The following CNTNAP2 variants were observed in gnomAD, a reference collection of about 807,000 sequenced individuals.
CNTNAP2 encodes the protein contactin-associated protein-like 2.
CNTNAP2 carries 98 observed loss-of-function variants against 155.2 expected under a neutral mutation model. The observed-to-expected ratio is 0.63, with a 90% CI of 0.54 to 0.75. The LOEUF is 0.75. CNTNAP2 is among the 30% of genes least tolerant of loss of function. CNTNAP2 has a pLI of 0.00. For missense variants in CNTNAP2, 1,727 were observed against 1,688.1 expected (o/e 1.02, Z -0.40); for synonymous variants, 651 against 631.2 (o/e 1.03, Z -0.47).
At chr7:147,241,274 A>G (rs1187207319) in intron 8 of CNTNAP2, among the ~76,000 whole-genome samples, 4 of 152,174 alleles carry the variant, frequency 2.6e-5, no homozygotes, top group African/African-American at 9.7e-5. Flanking sequence ...AGCTCTTTAT[A>G]TCAAAGCAAT....
intron 1 of CNTNAP2, among the ~76,000 whole-genome samples, chr7:146,372,838 A>G (rs1007721785): frequency 1.3e-5 from 2 of 152,274 alleles, no homozygotes; most frequent in African/African-American, 4.8e-5. Flanking sequence ...AAAGCAATGG[A>G]GGTACAGAAA....
At chr7:147,076,685 G>A (rs180726517) in intron 4 of CNTNAP2, among the ~76,000 whole-genome samples, 4 of 152,252 alleles carry the variant, frequency 2.6e-5, no homozygotes, top group Admixed American at 2.6e-4. Flanking sequence ...GTCAACCAAA[G>A]ACTTCAGGAT....
chr7:146,459,797 C>G (rs974835591), intron 1 of CNTNAP2, among the ~76,000 whole-genome samples: 5 of 151,900 alleles, frequency 3.3e-5, no homozygotes, highest in African/African-American at 1.2e-4. Context: ...ATGGTGAAAC[C>G]CCATCTCTAC....
At chr7:146,729,447 A>G (rs1304834421) in intron 1 of CNTNAP2, among the ~76,000 whole-genome samples, 3 of 152,052 alleles carry the variant, frequency 2.0e-5, no homozygotes, top group Admixed American at 6.6e-5. Flanking sequence ...GTGCTAAACT[A>G]TTTGTATTAA....
chr7:147,538,778 G>GT (rs199893286), intron 11 of CNTNAP2, among the ~76,000 whole-genome samples: 5,433 of 152,020 alleles, frequency 0.036, 125 homozygotes, highest in Non-Finnish European at 0.052. Flanking sequence ...GTTTATGCCA[G>GT]TTTTTTTTCC....
chr7:146,288,220 C>T (rs750115167), intron 1 of CNTNAP2, among the ~76,000 whole-genome samples: 56 of 150,928 alleles, frequency 3.7e-4, no homozygotes, highest in Non-Finnish European at 5.9e-4. Context: ...ATTGCTTGGA[C>T]CTGGGAGGCC....
At chr7:147,280,219 C>A (rs1805001233) in intron 8 of CNTNAP2, among the ~76,000 whole-genome samples, 1 of 151,882 alleles carries the variant, frequency 6.6e-6, no homozygotes, top group East Asian at 1.9e-4. Flanking sequence ...TTTCTGTTTG[C>A]TTGAGTTCCC....
chr7:146,637,955 A>G (rs1283159692), intron 1 of CNTNAP2, among the ~76,000 whole-genome samples: 2 of 152,234 alleles, frequency 1.3e-5, no homozygotes, highest in Non-Finnish European at 2.9e-5. Flanking sequence ...ACATCCATAT[A>G]TATTGTCCAT....
intron 13 of CNTNAP2, among the ~76,000 whole-genome samples, chr7:147,863,301 T>C (rs1420686783): frequency 6.6e-6 from 1 of 152,240 alleles, no homozygotes; most frequent in African/African-American, 2.4e-5. Flanking sequence ...GGGGTATATA[T>C]GCCATATTTT....
chr7:146,655,969 T>G (rs898770025), intron 1 of CNTNAP2, among the ~76,000 whole-genome samples: 9 of 152,226 alleles, frequency 5.9e-5, no homozygotes, highest in African/African-American at 2.2e-4. Context: ...GTTTGGGTGA[T>G]TTCCACTGAA....
intron 1 of CNTNAP2, among the ~76,000 whole-genome samples, chr7:146,638,013 T>C (rs766356136): frequency 3.3e-5 from 5 of 152,210 alleles, no homozygotes; most frequent in African/African-American, 4.8e-5. Flanking sequence ...TATCTAGTCA[T>C]ATGTGCACCT....
chr7:147,350,088 G>T (rs183052232), intron 9 of CNTNAP2, among the ~76,000 whole-genome samples: 7 of 151,958 alleles, frequency 4.6e-5, no homozygotes, highest in African/African-American at 1.7e-4. Context: ...CAAGTGTAGG[G>T]CCTTTGCCCT....
chr7:147,886,626 A>G lies in CNTNAP2; in HGVS notation c.2099-16939A>G, dbSNP rs1364104147. ...GTGCTACTGGCATTTGAGGTGTGAC[A>G]TTTATTGTGCAGAACTATCTAACAC... On this transcript the variant is annotated intron_variant, in intron 13 of 23. Transcript: ENST00000361727. Among the ~76,000 whole-genome samples, 6 of 151,812 alleles carry G rather than the reference A, an allele frequency of 4.0e-5. No homozygotes were observed. In the East Asian group the frequency reaches 1.2e-3, roughly 29 times the overall value.
intron 3 of CNTNAP2, among the ~76,000 whole-genome samples, chr7:146,863,188 T>C (rs547341153): frequency 2.0e-5 from 3 of 152,300 alleles, no homozygotes; most frequent in African/African-American, 7.2e-5. Flanking sequence ...CATATTTAAG[T>C]CTTTAAATGT....
At chr7:146,424,797 G>A (rs1639515) in intron 1 of CNTNAP2, among the ~76,000 whole-genome samples, 5,406 of 152,174 alleles carry the variant, frequency 0.036, 340 homozygotes, top group African/African-American at 0.12. Context: ...GCAGAAAAGA[G>A]ATTAAGGGAA....
chr7:147,968,418 G>T (rs748413887), intron 14 of CNTNAP2, among the ~76,000 whole-genome samples: 1 of 152,116 alleles, frequency 6.6e-6, no homozygotes, highest in Non-Finnish European at 1.5e-5. Flanking sequence ...CACTCTCATT[G>T]CTTCCTAGCA....
At chr7:146,632,664 C>T (rs921377598) in intron 1 of CNTNAP2, among the ~76,000 whole-genome samples, 14 of 151,746 alleles carry the variant, frequency 9.2e-5, no homozygotes, top group African/African-American at 1.5e-4. Context: ...ACCTTTTGAT[C>T]TGAAATATCA....
chr7:147,882,538 T>C (rs1243061941), intron 13 of CNTNAP2, among the ~76,000 whole-genome samples: 1 of 152,186 alleles, frequency 6.6e-6, no homozygotes, highest in Non-Finnish European at 1.5e-5. Context: ...CCCTTGCAGA[T>C]CTGTAGGATT....
chr7:146,513,158 A>C (rs700287), intron 1 of CNTNAP2, among the ~76,000 whole-genome samples: 67,936 of 151,624 alleles, frequency 0.45, 17,271 homozygotes, highest in African/African-American at 0.71. Flanking sequence ...TTTGCCATTT[A>C]TTCACTTTTA....
Sources: allele counts gnomAD v4.1 joint callset (sites outside exome capture counted in the v4.1 genomes callset), GRCh38; gene constraint gnomAD v4.1.1; transcripts MANE v1.5; gene names NCBI Gene and HGNC (gene_info 2026-07-23, HGNC 2026-07-21).